The following CDH13 variants were observed in gnomAD, a reference collection of about 807,000 sequenced individuals.
The protein encoded by CDH13 is cadherin 13.
CDH13 carries 24 observed loss-of-function variants against 63.8 expected under a neutral mutation model. That is an observed-to-expected ratio of 0.38 (90% CI 0.27 to 0.53). The LOEUF (loss-of-function observed/expected upper bound fraction) is 0.53. CDH13 is among the 20% of genes least tolerant of loss of function. The probability of loss-of-function intolerance (pLI) is 0.85; values close to 1 mark genes in which losing one functional copy is unlikely to be tolerated. For missense variants in CDH13, 1,049 were observed against 903.1 expected, an observed-to-expected ratio of 1.16 and a Z score of -2.07; for synonymous variants, 503 against 355.3, an observed-to-expected ratio of 1.42 and a Z score of -4.67.
chr16:83,040,730 C>A (rs1027707120), intron 3 of CDH13, among the ~76,000 whole-genome samples: 9 of 152,176 alleles, frequency 5.9e-5, no homozygotes, highest in African/African-American at 1.9e-4. Flanking sequence ...TATTTTGCAT[C>A]CTTCAATCCA....
At chr16:83,216,443 T>TATATATATATATATATATATATATAC (rs1472700247) in intron 4 of CDH13, among the ~76,000 whole-genome samples, 1 of 93,420 alleles carries the variant, frequency 1.1e-5, no homozygotes, top group Non-Finnish European at 2.2e-5. Flanking sequence ...TATATATATA[T>TATATATATATATATATATATATATAC]ACACAACCCT....
At chr16:83,421,423 T>C (rs1441915223) in intron 6 of CDH13, among the ~76,000 whole-genome samples, 2 of 152,220 alleles carry the variant, frequency 1.3e-5, no homozygotes, top group Non-Finnish European at 2.9e-5. Context: ...ATCTTAGCTC[T>C]CTACATCTTT....
intron 6 of CDH13, among the ~76,000 whole-genome samples, chr16:83,452,371 T>TTGTC (rs1567682090): frequency 6.6e-6 from 1 of 152,100 alleles, no homozygotes; most frequent in African/African-American, 2.4e-5. Context: ...TTTATATTGA[T>TTGTC]TACTTGGTGC....
intron 11 of CDH13, among the ~76,000 whole-genome samples, chr16:83,754,824 T>C (rs1913374117): frequency 6.6e-6 from 1 of 152,208 alleles, no homozygotes; most frequent in Non-Finnish European, 1.5e-5. Context: ...CTCTGGTATG[T>C]CTTTATCAGC....
chr16:83,428,688 G>C (rs922127328), intron 6 of CDH13, among the ~76,000 whole-genome samples: 2 of 152,180 alleles, frequency 1.3e-5, no homozygotes, highest in Non-Finnish European at 2.9e-5. Flanking sequence ...TAAGACAAGG[G>C]GATGGATGAG....
intron 2 of CDH13, among the ~76,000 whole-genome samples, chr16:82,943,224 A>C (rs1012037099): frequency 2.6e-5 from 4 of 152,036 alleles, no homozygotes; most frequent in African/African-American, 9.7e-5. Context: ...TTTTTTTCTC[A>C]TGCATAGAGA....
At chr16:82,930,144 A>G (rs1261912950) in intron 2 of CDH13, among the ~76,000 whole-genome samples, 1 of 147,492 alleles carries the variant, frequency 6.8e-6, no homozygotes, top group Non-Finnish European at 1.5e-5. Context: ...TCCCAATATA[A>G]CCTTTGTATT....
At chr16:82,953,391 C>T (rs762144728) in intron 2 of CDH13, 3 of 152,110 alleles carry the variant, frequency 2.0e-5, no homozygotes, top group Non-Finnish European at 2.9e-5. Context: ...GGGTTTCTAG[C>T]TCTTAGGAGA....
intron 2 of CDH13, among the ~76,000 whole-genome samples, chr16:82,968,712 G>C (rs1186387194): frequency 2.0e-5 from 3 of 152,140 alleles, no homozygotes; most frequent in Admixed American, 1.3e-4. Flanking sequence ...AGAAGCCCTG[G>C]TATAGGCTTT....
chr16:83,552,627 T>C (rs2075526869), intron 7 of CDH13, among the ~76,000 whole-genome samples: 1 of 152,218 alleles, frequency 6.6e-6, no homozygotes, highest in African/African-American at 2.4e-5. Context: ...TAATTATCTG[T>C]AATTATGCCC....
At chr16:83,372,749 T>TCAAAAAAAAAAAAAAAAAAAAAAAA (rs1555537364) in intron 6 of CDH13, among the ~76,000 whole-genome samples, 1 of 95,574 alleles carries the variant, frequency 1.0e-5, no homozygotes. Flanking sequence ...AGACTCGGTC[T>TCAAAAAAAAAAAAAAAAAAAAAAAA]AAAAAAAAAA....
intron 2 of CDH13, among the ~76,000 whole-genome samples, chr16:82,985,085 T>G (rs545202543): frequency 2.0e-5 from 3 of 152,344 alleles, no homozygotes; most frequent in South Asian, 2.1e-4. Flanking sequence ...TCAAGACCTG[T>G]TGAATAAGGT....
chr16:83,106,579 A>G (rs1225373957), intron 3 of CDH13, among the ~76,000 whole-genome samples: 1 of 152,186 alleles, frequency 6.6e-6, no homozygotes, highest in Non-Finnish European at 1.5e-5. Context: ...CAAAAAAACA[A>G]GCATATCAAG....
At chr16:83,020,583 A>G (rs998647577) in intron 2 of CDH13, among the ~76,000 whole-genome samples, 1 of 152,230 alleles carries the variant, frequency 6.6e-6, no homozygotes, top group African/African-American at 2.4e-5. Flanking sequence ...ACAGTGCTTG[A>G]AAATACCTAA....
intron 10 of CDH13, among the ~76,000 whole-genome samples, chr16:83,681,202 G>A (rs956106988): frequency 2.6e-5 from 4 of 152,072 alleles, no homozygotes; most frequent in Non-Finnish European, 5.9e-5. Context: ...AAGTGCGGGA[G>A]GCTAGTCCCA....
At chr16:82,724,998 G>C (rs1236950400) in intron 1 of CDH13, among the ~76,000 whole-genome samples, 1 of 152,172 alleles carries the variant, frequency 6.6e-6, no homozygotes, top group Middle Eastern at 3.2e-3. Flanking sequence ...GATTAACTGA[G>C]ATAATACATT....
chr16:83,154,867 C>A (rs1246795652), intron 4 of CDH13, among the ~76,000 whole-genome samples: 1 of 152,056 alleles, frequency 6.6e-6, no homozygotes, highest in African/African-American at 2.4e-5. Flanking sequence ...TTTTCTGTAG[C>A]AAAAATCTTT....
chr16:83,530,594 C>A (rs929824156), intron 7 of CDH13, among the ~76,000 whole-genome samples: 3 of 152,210 alleles, frequency 2.0e-5, no homozygotes, highest in Non-Finnish European at 4.4e-5. Context: ...CCCAGGCTTT[C>A]ACATCAACCA....
At chr16:83,162,776 G>C (rs1366082142) in intron 4 of CDH13, among the ~76,000 whole-genome samples, 1 of 152,116 alleles carries the variant, frequency 6.6e-6, no homozygotes, top group Non-Finnish European at 1.5e-5. Context: ...ATCTGTATTT[G>C]TGGCAAACTC....
Sources: allele counts gnomAD v4.1 joint callset (sites outside exome capture counted in the v4.1 genomes callset), GRCh38; gene constraint gnomAD v4.1.1; transcripts MANE v1.5; gene names NCBI Gene and HGNC (gene_info 2026-07-23, HGNC 2026-07-21).